Variants in G3BP2 observed in about 807,000 individuals in gnomAD.
G3BP2 encodes the protein G3BP stress granule assembly factor 2.
In G3BP2, 11 loss-of-function variants were observed where a neutral mutation model predicts 56.7. The observed-to-expected ratio is 0.19, with a 90% CI of 0.12 to 0.32. G3BP2 has a LOEUF of 0.32. Among genes scored for constraint, G3BP2 ranks in the 10% least tolerant of loss-of-function variants. The pLI, the probability that G3BP2 is intolerant of heterozygous loss-of-function variation, is 1.00. For synonymous variants in G3BP2, 165 were observed against 191.6 expected (o/e 0.86, Z 1.15); for missense variants, 340 against 610.9 (o/e 0.56, Z 4.67).
At chr4:75,648,845 A>G (rs1578378550) in intron 8 of G3BP2, 104 bp from the exon 9 acceptor site, 1 of 643,790 alleles carries the variant, frequency 1.6e-6, no homozygotes, top group South Asian at 1.8e-5. Context: ...AGTAGTTTTA[A>G]GTTTAGAATG....
At chr4:75,682,192 G>A (rs1048062896) in intron 3 of G3BP2, among the ~76,000 whole-genome samples, 9 of 151,716 alleles carry the variant, frequency 5.9e-5, no homozygotes, top group African/African-American at 1.9e-4. Flanking sequence ...CGAGGCAGGC[G>A]GATCACGAGG....
chr4:75,669,149 T>C (rs1300547928), intron 1 of G3BP2, among the ~76,000 whole-genome samples: 1 of 152,226 alleles, frequency 6.6e-6, no homozygotes, highest in Non-Finnish European at 1.5e-5. Flanking sequence ...TCTTCTAACC[T>C]GGCAATTTCA....
chr4:75,654,895 G>T (rs974864924), intron 7 of G3BP2, 171 bp downstream of exon 7: 7 of 585,052 alleles, frequency 1.2e-5, no homozygotes, highest in Non-Finnish European at 2.1e-5. Context: ...TATTTTGCGG[G>T]GCAGGGAAAC....
chr4:75,665,588 C>T (rs1458621209), intron 1 of G3BP2, among the ~76,000 whole-genome samples: 1 of 151,516 alleles, frequency 6.6e-6, no homozygotes, highest in African/African-American at 2.4e-5. Context: ...TAAAATTAGC[C>T]AGACATGGTG....
At chr4:75,672,947 T>C (rs1206313970) in intron 1 of G3BP2, 1 of 948,568 alleles carries the variant, frequency 1.1e-6, no homozygotes, top group East Asian at 1.2e-4. Flanking sequence ...ACCCCACCTG[T>C]GCACTCGGAG....
chr4:75,654,818 A>G (rs892177222), intron 7 of G3BP2: 7 of 429,348 alleles, frequency 1.6e-5, no homozygotes, highest in South Asian at 4.0e-5. Context: ...ATAATTTCAT[A>G]TAAGTTACTA....
intron 3 of G3BP2, among the ~76,000 whole-genome samples, chr4:75,720,021 C>T (rs889701307): frequency 1.0e-4 from 2 of 19,596 alleles, no homozygotes; most frequent in African/African-American, 5.6e-4. Context: ...GGCCCAGAAC[C>T]CTTTTTTTTT....
chr4:75,679,865 G>A (rs1310012104), intron 3 of G3BP2, among the ~76,000 whole-genome samples: 3 of 152,180 alleles, frequency 2.0e-5, no homozygotes, highest in Non-Finnish European at 4.4e-5. Flanking sequence ...GCTTTTCAGA[G>A]ATAAAATAAT....
intron 3 of G3BP2, chr4:75,694,708 A>C (rs1365387242): frequency 1.0e-6 from 1 of 955,056 alleles, no homozygotes; most frequent in African/African-American, 1.8e-5. Context: ...ATTGCACTCC[A>C]GCCTGGGCAA....
chr4:75,648,770 A>T (rs1179712065), intron 8 of G3BP2, 29 bp from the exon 9 acceptor site: 6 of 1,391,742 alleles, frequency 4.3e-6, no homozygotes, highest in Non-Finnish European at 6.1e-6. Flanking sequence ...AAAACATTAT[A>T]AAAAACACTC....
chr4:75,709,335 G>T (rs1196625755), intron 3 of G3BP2, among the ~76,000 whole-genome samples: 3 of 136,694 alleles, frequency 2.2e-5, no homozygotes, highest in Non-Finnish European at 3.0e-5. Context: ...AAGGAGAATC[G>T]CTTGAACCCT....
intron 1 of G3BP2, among the ~76,000 whole-genome samples, chr4:75,723,720 T>C (rs1720276341): frequency 6.6e-6 from 1 of 152,132 alleles, no homozygotes; most frequent in Non-Finnish European, 1.5e-5. Flanking sequence ...CAATTTTAAA[T>C]GCTGAATCTG....
At chr4:75,654,905 CAAT>C (rs1731971556) in intron 7 of G3BP2, 158 bp downstream of exon 7, 3 of 595,602 alleles carry the variant, frequency 5.0e-6, no homozygotes. Flanking sequence ...GGCAGGGAAA[CAAT>C]AACATTTTCT....
intron 1 of G3BP2, among the ~76,000 whole-genome samples, chr4:75,667,970 C>A (rs1733189619): frequency 6.6e-6 from 1 of 152,216 alleles, no homozygotes; most frequent in South Asian, 2.1e-4. Flanking sequence ...CACCTAAAAT[C>A]CCAGTGAATC....
upstream of G3BP2, among the ~76,000 whole-genome samples, chr4:75,677,598 G>A (rs540960777): frequency 4.0e-5 from 6 of 151,866 alleles, no homozygotes; most frequent in South Asian, 8.3e-4. Flanking sequence ...AAAAAAAAGA[G>A]ATGACTACAT....
In G3BP2 at chr4:75,657,799, A is replaced by G. The variant is rs868828132; in HGVS notation, c.178-69T>C. 4 of 940,094 alleles carry G rather than the reference A, an allele frequency of 4.3e-6. No homozygotes were observed. The East Asian group carries it at 7.5e-5, about 18-fold the overall frequency. 58.2% of individuals were successfully genotyped at this position (940,094 alleles called of 1,614,324 possible). On this transcript the variant is annotated intron_variant, in intron 3 of 11. Coordinates refer to ENST00000359707, the MANE Select transcript of G3BP2 (RefSeq NM_203505.3). ...CATTACCTACACAATAATATTACCT[A>G]CCCTCATTGATTTCCTTACAACTCT...
chr4:75,679,802 ACT>A (rs1560410277), intron 3 of G3BP2, among the ~76,000 whole-genome samples: 1 of 152,094 alleles, frequency 6.6e-6, no homozygotes, highest in Non-Finnish European at 1.5e-5. Flanking sequence ...TCCATTTAAC[ACT>A]CTTGAAGCCA....
chr4:75,690,961 A>G (rs1335877001), intron 3 of G3BP2, among the ~76,000 whole-genome samples: 7 of 152,226 alleles, frequency 4.6e-5, no homozygotes, highest in Non-Finnish European at 1.0e-4. Context: ...AAAAAACAGG[A>G]AAACTATTAC....
chr4:75,675,201 C>G (rs1237170327), upstream of G3BP2, among the ~76,000 whole-genome samples: 2 of 152,108 alleles, frequency 1.3e-5, no homozygotes, highest in East Asian at 1.9e-4. Context: ...TACTAATTGC[C>G]GCAATTCACT....
Sources: allele counts gnomAD v4.1 joint callset (sites outside exome capture counted in the v4.1 genomes callset), GRCh38; gene constraint gnomAD v4.1.1; transcripts MANE v1.5; gene names NCBI Gene and HGNC (gene_info 2026-07-23, HGNC 2026-07-21).